ST6GALNAC3: variants seen among roughly 807,000 people sequenced by gnomAD.
The protein encoded by ST6GALNAC3 is alpha-N-acetylgalactosaminide alpha-2,6-sialyltransferase 3.
ST6GALNAC3 carries 25 observed loss-of-function variants against 32.7 expected under a neutral mutation model. The observed-to-expected ratio is 0.76, with a 90% CI of 0.56 to 1.07. ST6GALNAC3 has a LOEUF of 1.07. Ranked by LOEUF, ST6GALNAC3 falls within the 50% of genes least tolerant of loss-of-function variation. The probability of loss-of-function intolerance (pLI) is 0.00; values close to 1 mark genes in which losing one functional copy is unlikely to be tolerated. For missense variants in ST6GALNAC3, 355 were observed against 382.4 expected (o/e 0.93, Z 0.60); for synonymous variants, 129 against 133.1 (o/e 0.97, Z 0.21).
intron 2 of ST6GALNAC3, 128 bp downstream of exon 2, chr1:76,314,127 A>C: frequency 1.3e-6 from 1 of 753,200 alleles, no homozygotes; most frequent in East Asian, 2.8e-5. Context: ...TGGGTCCCTG[A>C]CAACATCTTC....
intron 2 of ST6GALNAC3, among the ~76,000 whole-genome samples, chr1:76,408,701 A>C (rs1441004511): frequency 6.6e-6 from 1 of 152,106 alleles, no homozygotes; most frequent in African/African-American, 2.4e-5. Context: ...CATTATAATG[A>C]CTAGGAAATC....
chr1:76,568,548 G>A (rs1376461169), intron 3 of ST6GALNAC3, among the ~76,000 whole-genome samples: 1 of 152,264 alleles, frequency 6.6e-6, no homozygotes, highest in Non-Finnish European at 1.5e-5. Flanking sequence ...ACAGGAGCCC[G>A]ACTACATTAA....
intron 1 of ST6GALNAC3, among the ~76,000 whole-genome samples, chr1:76,188,743 G>A (rs181368537): frequency 6.6e-6 from 1 of 152,240 alleles, no homozygotes; most frequent in East Asian, 1.9e-4. Flanking sequence ...AAAATAAAAT[G>A]AATTCATTAT....
intron 2 of ST6GALNAC3, among the ~76,000 whole-genome samples, chr1:76,318,671 T>A (rs1480199587): frequency 6.6e-6 from 1 of 152,122 alleles, no homozygotes; most frequent in African/African-American, 2.4e-5. Context: ...AATTACTGTA[T>A]TATCAACTGG....
intron 2 of ST6GALNAC3, among the ~76,000 whole-genome samples, chr1:76,358,346 A>G (rs1649659506): frequency 6.6e-6 from 1 of 152,188 alleles, no homozygotes; most frequent in South Asian, 2.1e-4. Context: ...ACATGTACAT[A>G]TGGAACTCAC....
rs528330161 is a variant in ST6GALNAC3, at chr1:76,482,993, G to A, written c.623+70576G>A. On this transcript the variant is annotated intron_variant, in intron 3 of 4. Transcript: ENST00000328299. ...ATGTGGTGTTTGGTTTTTTGTCCTTGCGACAGTTTGCTGAGAATGATAGTT... is the reference window on the plus strand; with the variant it reads ...ATGTGGTGTTTGGTTTTTTGTCCTTACGACAGTTTGCTGAGAATGATAGTT... Among the ~76,000 whole-genome samples the A allele has an allele frequency of 7.3e-5, 11 of 150,302 alleles. No homozygotes were observed. The South Asian group carries it at 2.1e-3, about 29-fold the overall frequency.
intron 1 of ST6GALNAC3, among the ~76,000 whole-genome samples, chr1:76,197,740 G>C (rs1361189772): frequency 6.6e-6 from 1 of 152,078 alleles, no homozygotes; most frequent in Non-Finnish European, 1.5e-5. Context: ...AGAAAGATTA[G>C]GCAGGACCCT....
At chr1:76,324,540 A>G (rs1445617297) in intron 2 of ST6GALNAC3, among the ~76,000 whole-genome samples, 1 of 152,190 alleles carries the variant, frequency 6.6e-6, no homozygotes, top group African/African-American at 2.4e-5. Flanking sequence ...TATCAGACAA[A>G]TAAATATTGG....
intron 3 of ST6GALNAC3, among the ~76,000 whole-genome samples, chr1:76,607,221 G>A (rs1333085290): frequency 1.3e-5 from 2 of 152,202 alleles, no homozygotes; most frequent in Non-Finnish European, 2.9e-5. Context: ...AACGGGAGCT[G>A]TATGCCCTCT....
At chr1:76,136,016 T>C (rs533819911) in intron 1 of ST6GALNAC3, among the ~76,000 whole-genome samples, 1 of 152,312 alleles carries the variant, frequency 6.6e-6, no homozygotes. Context: ...AGGTCTTTGG[T>C]GCTTGCTCAT....
intron 2 of ST6GALNAC3, among the ~76,000 whole-genome samples, chr1:76,326,875 TA>T (rs779877557): frequency 7.7e-4 from 116 of 151,356 alleles, no homozygotes; most frequent in Non-Finnish European, 1.5e-3. Context: ...TCAATGTTTT[TA>T]AATAATCTTT....
At chr1:76,510,550 A>G (rs576918575) in intron 3 of ST6GALNAC3, among the ~76,000 whole-genome samples, 172 of 152,308 alleles carry the variant, frequency 1.1e-3, no homozygotes, top group Non-Finnish European at 1.4e-3. Context: ...TAGTGGACCC[A>G]AGAATAATAA....
At chr1:76,277,949 G>A (rs186409682) in intron 1 of ST6GALNAC3, among the ~76,000 whole-genome samples, 5 of 151,906 alleles carry the variant, frequency 3.3e-5, no homozygotes, top group East Asian at 1.9e-4. Context: ...ACATTCTCAC[G>A]CCTAGACCTT....
In ST6GALNAC3 at chr1:76,416,439, T is replaced by C. The variant is rs972523246; in HGVS notation, c.623+4022T>C. On this transcript the variant is annotated intron_variant, in intron 3 of 4. Coordinates refer to ENST00000328299, the MANE Select transcript of ST6GALNAC3 (RefSeq NM_152996.4). ...ACAATGTCATCATTATTATGTATAA[T>C]TTATAGAATTAAAAATATGTCACTA... 2.0e-5 allele frequency among the ~76,000 whole-genome samples: 3 copies of C among 152,046 alleles called. No homozygotes were observed. The East Asian group carries it at 5.8e-4, about 29-fold the overall frequency.
At chr1:76,566,614 G>A (rs957046763) in intron 3 of ST6GALNAC3, among the ~76,000 whole-genome samples, 2 of 151,822 alleles carry the variant, frequency 1.3e-5, no homozygotes, top group South Asian at 2.1e-4. Context: ...TCACTCCATC[G>A]ATTCCTCCAC....
chr1:76,297,555 C>T (rs1435573150), intron 1 of ST6GALNAC3, among the ~76,000 whole-genome samples: 1 of 151,906 alleles, frequency 6.6e-6, no homozygotes, highest in Non-Finnish European at 1.5e-5. Flanking sequence ...AGATCATTAG[C>T]TTTTTAGGTG....
chr1:76,094,119 G>T (rs1647089426), intron 1 of ST6GALNAC3, among the ~76,000 whole-genome samples: 1 of 152,152 alleles, frequency 6.6e-6, no homozygotes, highest in Non-Finnish European at 1.5e-5. Context: ...TCTGCCACAG[G>T]AACACGAGGA....
intron 3 of ST6GALNAC3, among the ~76,000 whole-genome samples, chr1:76,507,689 T>A (rs917783929): frequency 6.6e-6 from 1 of 152,218 alleles, no homozygotes; most frequent in African/African-American, 2.4e-5. Flanking sequence ...TGACAGACAT[T>A]TGGGTTATTT....
intron 1 of ST6GALNAC3, among the ~76,000 whole-genome samples, chr1:76,170,146 C>G (rs1295193616): frequency 1.3e-5 from 2 of 152,186 alleles, no homozygotes; most frequent in East Asian, 3.9e-4. Context: ...TGTACTCTAA[C>G]TCTGGGGGAC....
Sources: gnomAD v4.1 joint callset for allele counts (sites outside exome capture counted in the v4.1 genomes callset) on GRCh38, gnomAD v4.1.1 for gene constraint, MANE v1.5 for transcripts, NCBI Gene and HGNC (gene_info 2026-07-23, HGNC 2026-07-21) for gene names.